The following EBF1 variants were observed in gnomAD, a reference collection of about 807,000 sequenced individuals.
EBF1 encodes the protein transcription factor COE1.
EBF1 carries 10 observed loss-of-function variants against 68.4 expected under a neutral mutation model. The ratio of observed to expected loss-of-function variants is 0.15; its 90% CI spans 0.09 to 0.25. The LOEUF (loss-of-function observed/expected upper bound fraction) is 0.25, where lower values mean the gene tolerates loss of function less well. EBF1 is among the 10% of genes least tolerant of loss of function. The probability of loss-of-function intolerance (pLI) is 1.00; values close to 1 mark genes in which losing one functional copy is unlikely to be tolerated. For synonymous variants in EBF1, 298 were observed against 299.8 expected (o/e 0.99, Z 0.06); for missense variants, 509 against 794.4 (o/e 0.64, Z 4.32).
At chr5:159,077,325 G>A (rs1310670707) in intron 5 of EBF1, among the ~76,000 whole-genome samples, 1 of 152,112 alleles carries the variant, frequency 6.6e-6, no homozygotes, top group Non-Finnish European at 1.5e-5. Flanking sequence ...TGTGATCCCA[G>A]CTACTCAGGA....
intron 8 of EBF1, among the ~76,000 whole-genome samples, chr5:158,822,308 G>GGATGGATGGATGGATA (rs1554145962): frequency 1.5e-5 from 2 of 130,996 alleles, no homozygotes; most frequent in South Asian, 5.1e-4. Context: ...ATGGATGGAT[G>GGATGGATGGATGGATA]GATGGATAGA....
At chr5:159,016,776 A>C (rs1765699888) in intron 6 of EBF1, among the ~76,000 whole-genome samples, 1 of 152,220 alleles carries the variant, frequency 6.6e-6, no homozygotes, top group African/African-American at 2.4e-5. Context: ...TCCTTGGATC[A>C]AAACTGACCC....
At chr5:158,745,787 T>C (rs1767431254) in intron 10 of EBF1, among the ~76,000 whole-genome samples, 2 of 152,128 alleles carry the variant, frequency 1.3e-5, no homozygotes, top group South Asian at 4.1e-4. Flanking sequence ...AAAGTGAAAA[T>C]AATGTTGGCT....
intron 6 of EBF1, among the ~76,000 whole-genome samples, chr5:158,897,947 G>A (rs1156261628): frequency 2.0e-5 from 3 of 152,132 alleles, no homozygotes; most frequent in African/African-American, 7.2e-5. Context: ...ATGCACAAAG[G>A]GTACTGGGCG....
chr5:159,066,302 G>C (rs1294616644), intron 6 of EBF1, among the ~76,000 whole-genome samples: 2 of 152,166 alleles, frequency 1.3e-5, no homozygotes, highest in Non-Finnish European at 2.9e-5. Flanking sequence ...CATTTTGGAG[G>C]TTATTGTGTA....
chr5:158,752,040 AGT>A, intron 10 of EBF1, among the ~76,000 whole-genome samples: 1 of 152,132 alleles, frequency 6.6e-6, no homozygotes, highest in South Asian at 2.1e-4. Flanking sequence ...TACTATTTGT[AGT>A]GTTTTGTTCC....
At chr5:158,773,747 A>C (rs946360987) in intron 10 of EBF1, among the ~76,000 whole-genome samples, 1 of 152,206 alleles carries the variant, frequency 6.6e-6, no homozygotes, top group Non-Finnish European at 1.5e-5. Context: ...GGTGCCTAAG[A>C]GTCTTTTATT....
intron 6 of EBF1, among the ~76,000 whole-genome samples, chr5:159,045,050 G>A (rs1368288224): frequency 1.3e-5 from 2 of 151,942 alleles, no homozygotes; most frequent in African/African-American, 4.8e-5. Context: ...TTTTATTTAT[G>A]TTTTCCTCCT....
chr5:159,055,430 G>A (rs1447845495), intron 6 of EBF1, among the ~76,000 whole-genome samples: 1 of 152,120 alleles, frequency 6.6e-6, no homozygotes, highest in East Asian at 1.9e-4. Flanking sequence ...CTCAAAACCA[G>A]GTCTCCTGTG....
intron 6 of EBF1, among the ~76,000 whole-genome samples, chr5:159,065,179 T>C (rs530296942): frequency 2.0e-5 from 3 of 152,110 alleles, no homozygotes; most frequent in Non-Finnish European, 4.4e-5. Context: ...ATAAATAAAT[T>C]GCAAGCAGCA....
At chr5:159,030,515 A>G (rs1768570483) in intron 6 of EBF1, among the ~76,000 whole-genome samples, 1 of 152,230 alleles carries the variant, frequency 6.6e-6, no homozygotes, top group Admixed American at 6.5e-5. Flanking sequence ...GGAGCTGGAG[A>G]AAGCCTCCTG....
At chr5:159,051,717 G>C (rs1463056792) in intron 6 of EBF1, among the ~76,000 whole-genome samples, 1 of 151,854 alleles carries the variant, frequency 6.6e-6, no homozygotes, top group Admixed American at 6.6e-5. Context: ...CAGAAGGGGG[G>C]GCAAGACACG....
At chr5:158,906,613 C>A (rs1804692374) in intron 6 of EBF1, among the ~76,000 whole-genome samples, 1 of 152,124 alleles carries the variant, frequency 6.6e-6, no homozygotes, top group Non-Finnish European at 1.5e-5. Context: ...ATTTTGACAC[C>A]ACCTCTGTGA....
intron 6 of EBF1, among the ~76,000 whole-genome samples, chr5:159,053,649 G>A (rs897898944): frequency 1.3e-5 from 2 of 149,022 alleles, no homozygotes. Context: ...CCCAGACATG[G>A]GAATGTGAGT....
At chr5:158,976,322 T>A (rs537709853) in intron 6 of EBF1, among the ~76,000 whole-genome samples, 1 of 152,288 alleles carries the variant, frequency 6.6e-6, no homozygotes, top group Admixed American at 6.5e-5. Context: ...TGGATTTCTT[T>A]GTTGGGTACT....
chr5:159,071,037 G>A (rs1777698872), intron 6 of EBF1, among the ~76,000 whole-genome samples: 1 of 152,126 alleles, frequency 6.6e-6, no homozygotes, highest in Non-Finnish European at 1.5e-5. Flanking sequence ...TTCTTCTCTT[G>A]TTGTTATTCT....
In EBF1 at chr5:158,928,998, T is replaced by TA. The variant is rs554191577; in HGVS notation, c.555-88889dup. 1.8e-3 allele frequency among the ~76,000 whole-genome samples: 280 copies of TA among 152,318 alleles called. 1 individual carries two copies. The highest frequency in any genetic ancestry group is 6.6e-3 in the African/African-American group (274 of 41,558). On this transcript the variant is annotated intron_variant, in intron 6 of 15. Transcript: ENST00000313708. ...TTTTAAAAATTTTTAAATCTTTTTT[T>TA]AAAAATCAAGACAGTTAGACACTGG... is the stretch of plus-strand genomic sequence containing the variant.
rs143519389 is a variant in EBF1, at chr5:158,838,100, C to T, written c.636+1929G>A. Among the ~76,000 whole-genome samples, 327 of 152,208 alleles carry T rather than the reference C, an allele frequency of 2.1e-3. 3 individuals are homozygous for T. The highest frequency in any genetic ancestry group is 7.7e-3 in the African/African-American group (320 of 41,534). On this transcript the variant is annotated intron_variant, in intron 7 of 15. Transcript: ENST00000313708. ...AAAATCCTCTATGGGAATGAGAACA[C>T]CAAGTTTGAAGTCAGATGACCGGAG...
chr5:158,833,585 G>A (rs754778119), intron 7 of EBF1, among the ~76,000 whole-genome samples: 3 of 152,260 alleles, frequency 2.0e-5, no homozygotes, highest in Non-Finnish European at 4.4e-5. Flanking sequence ...TGTAAGCCAA[G>A]GCTTTTAAAA....
Sources: allele counts gnomAD v4.1 joint callset (sites outside exome capture counted in the v4.1 genomes callset), GRCh38; gene constraint gnomAD v4.1.1; transcripts MANE v1.5; gene names NCBI Gene and HGNC (gene_info 2026-07-23, HGNC 2026-07-21).